NIN: variants seen among roughly 807,000 people sequenced by gnomAD.
NIN encodes ninein.
In NIN, 137 loss-of-function variants were observed where a neutral mutation model predicts 257.6. That is an observed-to-expected ratio of 0.53 (90% CI 0.46 to 0.61). The LOEUF is 0.61. NIN is among the 20% of genes least tolerant of loss of function. NIN has a pLI of 0.00. For missense variants in NIN, 2,439 were observed against 2,501.2 expected (o/e 0.98, Z 0.53); for synonymous variants, 918 against 919.8 (o/e 1.00, Z 0.04).
intron 3 of NIN, among the ~76,000 whole-genome samples, chr14:50,820,354 C>G (rs1285190360): frequency 1.3e-5 from 2 of 152,308 alleles, no homozygotes; most frequent in Non-Finnish European, 2.9e-5. Flanking sequence ...GACCTGCTGC[C>G]AAGGTGCAGT....
At chr14:50,743,997 C>G (rs1375715044) in intron 23 of NIN, among the ~76,000 whole-genome samples, 5 of 152,180 alleles carry the variant, frequency 3.3e-5, no homozygotes, top group Admixed American at 6.5e-5. Context: ...TAAAGTAGCA[C>G]TGTGATGTGA....
At chr14:50,761,734 A>G in intron 16 of NIN, 56 bp downstream of exon 16, 2 of 1,604,890 alleles carry the variant, frequency 1.2e-6, no homozygotes, top group Non-Finnish European at 1.7e-6. Flanking sequence ...CCCTACACAC[A>G]TAAGCCTGTC....
intron 4 of NIN, among the ~76,000 whole-genome samples, chr14:50,797,945 A>AG (rs2043916300): frequency 6.8e-6 from 1 of 148,052 alleles, no homozygotes; most frequent in Non-Finnish European, 1.5e-5. Context: ...GAGGAGGAGG[A>AG]GGGGAGAGAT....
At chr14:50,793,302 T>A (rs1029471312) in intron 4 of NIN, among the ~76,000 whole-genome samples, 2 of 152,024 alleles carry the variant, frequency 1.3e-5, no homozygotes, top group Non-Finnish European at 2.9e-5. Context: ...ATCAGCACTG[T>A]ATACTCAGTA....
At chr14:50,797,149 G>A (rs571343556) in intron 4 of NIN, among the ~76,000 whole-genome samples, 13 of 152,278 alleles carry the variant, frequency 8.5e-5, no homozygotes, top group South Asian at 2.1e-4. Flanking sequence ...ACACATAAGC[G>A]TATTTACCAA....
chr14:50,763,777 TA>T, intron 15 of NIN, 48 bp downstream of exon 15: 1 of 1,536,936 alleles, frequency 6.5e-7, no homozygotes, highest in Non-Finnish European at 8.9e-7. Flanking sequence ...ACCACGTTTC[TA>T]AAAACAAGAG....
At chr14:50,738,099 G>A in intron 27 of NIN, 41 bp downstream of exon 27, 2 of 1,602,884 alleles carry the variant, frequency 1.2e-6, no homozygotes, top group East Asian at 2.2e-5. Flanking sequence ...ACGCATTATA[G>A]TGAGAACACA....
In NIN at chr14:50,770,558, G is replaced by C; in HGVS notation, c.1264C>G (p.Leu422Val). The change falls in exon 12 of 31, where the codon CTG becomes GTG. Residue 422 changes from leucine (L) to valine (V), a missense_variant. Physicochemically the swap from Leu to Val is conservative, Grantham distance 32 (BLOSUM62 1). This residue lies in a region of NIN where 2,043 missense variants were observed against 2,050.2 expected (regional missense o/e 1.00). Coordinates refer to ENST00000530997, the MANE Select transcript of NIN (RefSeq NM_020921.4). ...ATTCGCTCCTTGTACTCTTCATCCA[G>C]TTTCCTGTAACGAAGAAAAATGGAC... Reference protein sequence around the residue: ...ERRNEYNLRKLDEEYKERIAA... With the variant: ...ERRNEYNLRKVDEEYKERIAA... 2 of 1,612,798 alleles carry C rather than the reference G, an allele frequency of 1.2e-6. No individual in the cohort carries two copies. Among genetic ancestry groups the C allele is most frequent in the Non-Finnish European group, 1.7e-6 (2 of 1,179,696 alleles).
intron 16 of NIN, 85 bp from the exon 17 acceptor site, chr14:50,760,444 T>A: frequency 1.6e-6 from 2 of 1,249,328 alleles, no homozygotes; most frequent in Non-Finnish European, 2.2e-6. Flanking sequence ...TTGCTTTTTT[T>A]TTTTTTTTTT....
Position 50,770,898 on chromosome 14 carries a change from C to T in NIN, c.1213G>A (p.Asp405Asn). ...CGCTCTATGGCCGCATGGTGATCAT[C>T]CACCTCCGAGGCCATTAAAGACTTG... ...KLKSLMASEV[D>N]DHHAAIERRN... Residue 405 changes from aspartate (D) to asparagine (N), a missense_variant, in exon 11 of 31, where the codon GAT becomes AAT. By Grantham distance (23) the Asp-to-Asn change is conservative (BLOSUM62 1). Around this residue, in one of 3 missense-constraint regions of NIN, gnomAD observed 2,043 missense variants for 2,050.2 expected, o/e 1.00. Transcript: ENST00000530997. The T allele has an allele frequency of 6.2e-7, 1 of 1,614,212 alleles. No individual in the cohort carries two copies. Among genetic ancestry groups the T allele is most frequent in the Non-Finnish European group, 8.5e-7 (1 of 1,180,026 alleles).
chr14:50,795,960 C>G (rs2043820028), intron 4 of NIN, among the ~76,000 whole-genome samples: 2 of 152,170 alleles, frequency 1.3e-5, no homozygotes, highest in South Asian at 4.1e-4. Context: ...GCCTGGGCAA[C>G]AGGGCAAGAC....
At chr14:50,766,418 G>A (rs556552665) in intron 13 of NIN, 22 bp from the exon 14 acceptor site, 8 of 1,610,912 alleles carry the variant, frequency 5.0e-6, no homozygotes, top group Admixed American at 1.7e-5. Flanking sequence ...AAAGGGCAAA[G>A]CTGTCATTTT....
chr14:50,763,710 A>ATTTTTTTTTTTTTTTTTTTTTTTTTTT, intron 15 of NIN, 116 bp downstream of exon 15: 1 of 864,734 alleles, frequency 1.2e-6, no homozygotes, highest in Non-Finnish European at 1.7e-6. Context: ...GTATGGCCAA[A>ATTTTTTTTTTTTTTTTTTTTTTTTTTT]TTCTTTTTTT....
chr14:50,742,548 C>A (rs888375004), intron 24 of NIN, among the ~76,000 whole-genome samples: 1 of 151,968 alleles, frequency 6.6e-6, no homozygotes, highest in Non-Finnish European at 1.5e-5. Flanking sequence ...CACTTGCCAC[C>A]GCGCTCGGCT....
rs776855253 is a variant in NIN at position 50,777,151 on chromosome 14, G to A, written c.476-12C>T. 6.4e-7 allele frequency: 1 copy of A among 1,573,124 alleles called. No homozygotes were observed. Among genetic ancestry groups the A allele is most frequent in the South Asian group, 1.2e-5 (1 of 86,412 alleles). On this transcript the variant is annotated splice_polypyrimidine_tract_variant and intron_variant, in intron 6 of 30. Coordinates refer to ENST00000530997, the MANE Select transcript of NIN (RefSeq NM_020921.4). ...AAACCTTAACTGGCCTGAGAGAGAA[G>A]CATATGTTGCACGGTTTCCAAAGGA...
At chr14:50,806,709 G>A (rs2044343796) in intron 4 of NIN, 28 bp downstream of exon 4, 5 of 1,300,190 alleles carry the variant, frequency 3.8e-6, no homozygotes, top group Non-Finnish European at 5.5e-6. Flanking sequence ...TAAAGGGGAA[G>A]GCAGAGAAGA....
intron 2 of NIN, among the ~76,000 whole-genome samples, chr14:50,826,017 T>C (rs2045441094): frequency 6.6e-6 from 1 of 152,194 alleles, no homozygotes; most frequent in Non-Finnish European, 1.5e-5. Flanking sequence ...AAGTGTCCCA[T>C]GTCTTCAATA....
chr14:50,752,781 CTA>C, intron 20 of NIN, 48 bp from the exon 21 acceptor site: 1 of 828,592 alleles, frequency 1.2e-6, no homozygotes, highest in Non-Finnish European at 1.7e-6. Flanking sequence ...CCTACTTGTG[CTA>C]AAAAAAAAAA....
In NIN at chr14:50,735,505, G is replaced by A. The variant is rs1291705360; in HGVS notation, c.5877+11C>T. ...TTCTTCATAGCTAAGGCCATCTGCT[G>A]AGAAACTTACCTCCATGAGCTGCTC... On this transcript the variant is annotated intron_variant, in intron 28 of 30. Coordinates refer to ENST00000530997, the MANE Select transcript of NIN (RefSeq NM_020921.4). 1 of 1,612,290 alleles carries A rather than the reference G, an allele frequency of 6.2e-7. No individual in the cohort carries two copies. Among genetic ancestry groups the A allele is most frequent in the Non-Finnish European group, 8.5e-7 (1 of 1,179,768 alleles).
Sources: allele counts gnomAD v4.1 joint callset (sites outside exome capture counted in the v4.1 genomes callset), GRCh38; gene constraint gnomAD v4.1.1; regional missense constraint gnomAD v4.1.1; transcripts MANE v1.5; gene names NCBI Gene and HGNC (gene_info 2026-07-23, HGNC 2026-07-21).